Variants in FBXW7 observed in about 807,000 individuals in gnomAD.
FBXW7 encodes F-box/WD repeat-containing protein 7.
Under a neutral mutation model 86.3 loss-of-function variants are expected in FBXW7, and 11 were observed. The observed-to-expected ratio is 0.13, with a 90% CI of 0.08 to 0.21. The LOEUF is 0.21. Ranked by LOEUF, FBXW7 falls within the 10% of genes least tolerant of loss-of-function variation. The pLI, the probability that FBXW7 is intolerant of heterozygous loss-of-function variation, is 1.00. For synonymous variants in FBXW7, 313 were observed against 297.9 expected (o/e 1.05, Z -0.52); for missense variants, 488 against 847.4 (o/e 0.58, Z 5.27).
chr4:152,459,154 G>A (rs140309797), intron 2 of FBXW7, among the ~76,000 whole-genome samples: 1 of 152,122 alleles, frequency 6.6e-6, no homozygotes, highest in African/African-American at 2.4e-5. Flanking sequence ...CAGTACAGCT[G>A]GTTCAGACTA....
chr4:152,365,304 T>C (rs1221765681), intron 4 of FBXW7, among the ~76,000 whole-genome samples: 2 of 152,110 alleles, frequency 1.3e-5, no homozygotes, highest in East Asian at 1.9e-4. Context: ...AATGAAAAGC[T>C]AATGCTGCAT....
chr4:152,464,801 G>A (rs73865450), intron 2 of FBXW7, among the ~76,000 whole-genome samples: 6,155 of 152,218 alleles, frequency 0.04, 408 homozygotes, highest in African/African-American at 0.14. Flanking sequence ...TCTGGATTAA[G>A]TTTTTCATTA....
chr4:152,346,407 T>C (rs995876246), intron 6 of FBXW7, among the ~76,000 whole-genome samples: 2 of 152,216 alleles, frequency 1.3e-5, no homozygotes, highest in Admixed American at 1.3e-4. Flanking sequence ...GAAGGTCTTA[T>C]TATTTAAAAA....
At chr4:152,337,644 T>C in intron 7 of FBXW7, 158 bp downstream of exon 7, 1 of 645,870 alleles carries the variant, frequency 1.5e-6, no homozygotes, top group Non-Finnish European at 2.5e-6. Context: ...TATTAAGTCA[T>C]GGCAATTTAT....
chr4:152,477,916 C>G (rs891541603), intron 2 of FBXW7, among the ~76,000 whole-genome samples: 3 of 151,978 alleles, frequency 2.0e-5, no homozygotes. Flanking sequence ...TACTGATACT[C>G]TTTTTCATTT....
intron 2 of FBXW7, chr4:152,530,648 T>C (rs1252325301): frequency 1.3e-5 from 2 of 152,224 alleles, no homozygotes; most frequent in Non-Finnish European, 2.9e-5. Flanking sequence ...TCATTTTAAA[T>C]GAACTCAGAG....
chr4:152,492,793 A>T (rs554659294), intron 2 of FBXW7, among the ~76,000 whole-genome samples: 1 of 152,064 alleles, frequency 6.6e-6, no homozygotes, highest in South Asian at 2.1e-4. Flanking sequence ...AACAAAGAAT[A>T]GTAAGGCTAA....
intron 2 of FBXW7, among the ~76,000 whole-genome samples, chr4:152,425,067 G>T (rs566194640): frequency 1.2e-3 from 189 of 152,316 alleles, no homozygotes; most frequent in African/African-American, 4.4e-3. Flanking sequence ...GCCAGTCAAT[G>T]ACTAAATTTT....
chr4:152,411,493 T>C lies in FBXW7; in HGVS notation c.311A>G (p.His104Arg), dbSNP rs754765931. ...NQEEQEEDEE[H>R]AGEQDEEDEE... Reference sequence around the variant, plus strand: ...ATCCTCCTCATCTTGTTCACCAGCATGTTCTTCATCTTCCTCTTGTTCTTC... The same window carrying C: ...ATCCTCCTCATCTTGTTCACCAGCACGTTCTTCATCTTCCTCTTGTTCTTC... The change falls in exon 4 of 14, where the codon CAT becomes CGT. Residue 104 changes from histidine (H) to arginine (R), a missense_variant. Transcript: ENST00000281708. 1.3e-5 allele frequency: 21 copies of C among 1,613,634 alleles called. No homozygotes were observed. The highest frequency in any genetic ancestry group is 3.3e-5 in the Admixed American group (2 of 59,958).
chr4:152,343,664 C>T (rs1013759153), intron 6 of FBXW7, among the ~76,000 whole-genome samples: 11 of 152,070 alleles, frequency 7.2e-5, no homozygotes, highest in African/African-American at 2.7e-4. Context: ...TTTACCCAGT[C>T]TGAAAAGTTT....
intron 2 of FBXW7, among the ~76,000 whole-genome samples, chr4:152,464,842 A>C (rs1423201316): frequency 6.6e-6 from 1 of 152,222 alleles, no homozygotes; most frequent in African/African-American, 2.4e-5. Flanking sequence ...AGCTTTTAAG[A>C]AATATTCTCT....
chr4:152,472,884 A>G (rs951399538), intron 2 of FBXW7, among the ~76,000 whole-genome samples: 4 of 152,162 alleles, frequency 2.6e-5, no homozygotes, highest in Admixed American at 6.5e-5. Context: ...ATGTATTTCA[A>G]TTTATTTCTA....
At chr4:152,331,485 G>A (rs964323133) in intron 8 of FBXW7, among the ~76,000 whole-genome samples, 1 of 152,042 alleles carries the variant, frequency 6.6e-6, no homozygotes, top group Admixed American at 6.6e-5. Context: ...AATATTGTAT[G>A]ATTTCACTTA....
At chr4:152,481,313 G>C (rs193188544) in intron 2 of FBXW7, among the ~76,000 whole-genome samples, 1 of 152,258 alleles carries the variant, frequency 6.6e-6, no homozygotes, top group Admixed American at 6.5e-5. Flanking sequence ...TGAGACTGTA[G>C]CTCAGAATAA....
chr4:152,480,900 G>A (rs556257239), intron 2 of FBXW7, among the ~76,000 whole-genome samples: 1 of 152,194 alleles, frequency 6.6e-6, no homozygotes, highest in East Asian at 1.9e-4. Flanking sequence ...CTCCATAAAA[G>A]TACAAGATGA....
chr4:152,429,880 C>T (rs955341628), intron 2 of FBXW7, among the ~76,000 whole-genome samples: 1 of 152,124 alleles, frequency 6.6e-6, no homozygotes, highest in Non-Finnish European at 1.5e-5. Context: ...TGGCTTCATA[C>T]CTACAAGATT....
chr4:152,371,461 G>A (rs530235309), intron 4 of FBXW7, among the ~76,000 whole-genome samples: 1 of 152,024 alleles, frequency 6.6e-6, no homozygotes, highest in South Asian at 2.1e-4. Flanking sequence ...TATTTTGCTT[G>A]TAATAGATAC....
chr4:152,330,957 T>C (rs1266801710), intron 8 of FBXW7, 89 bp from the exon 9 acceptor site: 3 of 1,315,298 alleles, frequency 2.3e-6, no homozygotes, highest in Non-Finnish European at 3.1e-6. Flanking sequence ...TAAAGAGTAT[T>C]CCATCTCTCT....
intron 7 of FBXW7, among the ~76,000 whole-genome samples, chr4:152,333,474 T>C (rs1048410891): frequency 4.7e-5 from 7 of 149,690 alleles, no homozygotes; most frequent in African/African-American, 1.7e-4. Context: ...AAAGGAAAAA[T>C]AAAGAGAAAA....
Sources: gnomAD v4.1 joint callset for allele counts (sites outside exome capture counted in the v4.1 genomes callset) on GRCh38, gnomAD v4.1.1 for gene constraint, MANE v1.5 for transcripts, NCBI Gene and HGNC (gene_info 2026-07-23, HGNC 2026-07-21) for gene names.